The following MGLL variants were observed in gnomAD, a reference collection of about 807,000 sequenced individuals.
The protein encoded by MGLL is monoglyceride lipase.
In MGLL, 7 loss-of-function variants were observed where a neutral mutation model predicts 29.1. That is an observed-to-expected ratio of 0.24 (90% CI 0.14 to 0.45). The LOEUF (loss-of-function observed/expected upper bound fraction) is 0.45. Among genes scored for constraint, MGLL ranks in the 20% least tolerant of loss-of-function variants. MGLL has a pLI of 0.99. For synonymous variants in MGLL, 148 were observed against 168.3 expected (o/e 0.88, Z 0.93); for missense variants, 356 against 413.6 (o/e 0.86, Z 1.21).
chr3:127,752,368 G>A (rs1309423554), intron 3 of MGLL, among the ~76,000 whole-genome samples: 2 of 152,162 alleles, frequency 1.3e-5, no homozygotes, highest in Non-Finnish European at 2.9e-5. Context: ...CAAAGTGTTG[G>A]GATTACAGGC....
intron 3 of MGLL, among the ~76,000 whole-genome samples, chr3:127,741,538 G>A (rs967916363): frequency 1.1e-4 from 17 of 152,210 alleles, no homozygotes; most frequent in African/African-American, 2.9e-4. Flanking sequence ...GTGTTACACC[G>A]GGGCAGAGGT....
intron 3 of MGLL, among the ~76,000 whole-genome samples, chr3:127,780,796 C>T (rs1204702495): frequency 3.9e-5 from 6 of 152,210 alleles, no homozygotes; most frequent in Non-Finnish European, 7.3e-5. Context: ...AATTATTATC[C>T]ATTTTCAAAT....
chr3:127,700,593 C>G (rs2075460285), intron 6 of MGLL, among the ~76,000 whole-genome samples: 1 of 152,188 alleles, frequency 6.6e-6, no homozygotes, highest in Non-Finnish European at 1.5e-5. Context: ...CAGGGGAAGC[C>G]TTTGGTAAAC....
chr3:127,742,907 T>C (rs2076371159), intron 3 of MGLL, among the ~76,000 whole-genome samples: 1 of 152,172 alleles, frequency 6.6e-6, no homozygotes, highest in Admixed American at 6.5e-5. Context: ...CTCCACCTCC[T>C]GAGTTCAAGT....
chr3:127,802,296 T>A (rs1236252370), intron 2 of MGLL, among the ~76,000 whole-genome samples: 1 of 152,184 alleles, frequency 6.6e-6, no homozygotes, highest in Non-Finnish European at 1.5e-5. Flanking sequence ...TTGCTGCTCA[T>A]AAAATGCAAA....
intron 4 of MGLL, among the ~76,000 whole-genome samples, chr3:127,722,043 G>A (rs1342233338): frequency 6.6e-6 from 1 of 152,238 alleles, no homozygotes; most frequent in African/African-American, 2.4e-5. Context: ...GTTAACATTT[G>A]TCATCTGAGT....
intron 3 of MGLL, among the ~76,000 whole-genome samples, chr3:127,773,429 T>C (rs2076982087): frequency 6.6e-6 from 1 of 152,206 alleles, no homozygotes. Flanking sequence ...TCAGATAAGG[T>C]ATGAACATGT....
intron 3 of MGLL, among the ~76,000 whole-genome samples, chr3:127,759,436 G>A (rs962186871): frequency 5.3e-5 from 8 of 151,544 alleles, no homozygotes; most frequent in African/African-American, 2.0e-4. Context: ...CACCGTGCCT[G>A]GTACACAGTA....
At chr3:127,799,669 C>T (rs576765501) in intron 2 of MGLL, among the ~76,000 whole-genome samples, 7 of 152,264 alleles carry the variant, frequency 4.6e-5, no homozygotes, top group South Asian at 2.1e-4. Flanking sequence ...TCTCATCTCC[C>T]GGCTGTGCCT....
At chr3:127,731,865 C>T (rs2076158709) in intron 3 of MGLL, among the ~76,000 whole-genome samples, 1 of 152,210 alleles carries the variant, frequency 6.6e-6, no homozygotes, top group East Asian at 1.9e-4. Flanking sequence ...GTCTGTGTGT[C>T]TTACCATATC....
chr3:127,769,903 G>C (rs1010017090), intron 3 of MGLL, among the ~76,000 whole-genome samples: 1 of 152,200 alleles, frequency 6.6e-6, no homozygotes, highest in African/African-American at 2.4e-5. Context: ...GCTCAGCTCA[G>C]TGACCGGCGC....
At chr3:127,733,430 T>C (rs796701) in intron 3 of MGLL, among the ~76,000 whole-genome samples, 19,762 of 152,214 alleles carry the variant, frequency 0.13, 1,869 homozygotes, top group East Asian at 0.45. Flanking sequence ...TGTTACTCTA[T>C]GGACTCCCTC....
At chr3:127,821,654 C>A (rs551237910) in intron 2 of MGLL, 40 bp downstream of exon 2, 7 of 1,610,024 alleles carry the variant, frequency 4.3e-6, no homozygotes, top group Non-Finnish European at 6.0e-6. Flanking sequence ...AGGGGCCATG[C>A]TCCCCTGTCA....
At chr3:127,771,074 A>G (rs757367799) in intron 3 of MGLL, among the ~76,000 whole-genome samples, 2 of 152,228 alleles carry the variant, frequency 1.3e-5, no homozygotes, top group Non-Finnish European at 2.9e-5. Context: ...GTCCCTGATT[A>G]GGCCCCAGAA....
At chr3:127,706,808 C>G (rs937739093) in intron 6 of MGLL, among the ~76,000 whole-genome samples, 2 of 152,196 alleles carry the variant, frequency 1.3e-5, no homozygotes, top group Non-Finnish European at 2.9e-5. Context: ...GGAGGGAACT[C>G]CCGTGGAAGG....
intron 7 of MGLL, 41 bp downstream of exon 7, chr3:127,694,934 C>A: frequency 6.3e-7 from 1 of 1,597,820 alleles, no homozygotes; most frequent in South Asian, 1.1e-5. Context: ...TCCTGTCCCC[C>A]CTCCACCTTG....
intron 2 of MGLL, among the ~76,000 whole-genome samples, chr3:127,792,468 C>T (rs1490270645): frequency 1.3e-5 from 2 of 152,114 alleles, no homozygotes; most frequent in Non-Finnish European, 2.9e-5. Context: ...CTTTGGGAGG[C>T]CAAGGAGGTC....
chr3:127,719,683 C>A (rs1156931527), intron 5 of MGLL, among the ~76,000 whole-genome samples: 1 of 152,158 alleles, frequency 6.6e-6, no homozygotes, highest in Non-Finnish European at 1.5e-5. Flanking sequence ...TGTCTCCCCC[C>A]AATCGCACGT....
chr3:127,809,404 T>A (rs1235319794), intron 2 of MGLL, among the ~76,000 whole-genome samples: 3 of 151,974 alleles, frequency 2.0e-5, no homozygotes, highest in African/African-American at 7.2e-5. Flanking sequence ...GGAGATAGGA[T>A]CATTTGAGCC....
Sources: allele counts gnomAD v4.1 joint callset (sites outside exome capture counted in the v4.1 genomes callset), GRCh38; gene constraint gnomAD v4.1.1; transcripts MANE v1.5; gene names NCBI Gene and HGNC (gene_info 2026-07-23, HGNC 2026-07-21).